The following SIDT1 variants were observed in gnomAD, a reference collection of about 807,000 sequenced individuals.
The protein encoded by SIDT1 is SID1 transmembrane family, member 1.
SIDT1 carries 101 observed loss-of-function variants against 107.5 expected under a neutral mutation model. That is an observed-to-expected ratio of 0.94 (90% confidence interval 0.80 to 1.11). SIDT1 has a LOEUF of 1.11. Ranked by LOEUF, SIDT1 falls within the 50% of genes least tolerant of loss-of-function variation. SIDT1 has a pLI of 0.00. For synonymous variants in SIDT1, 395 were observed against 398.2 expected (o/e 0.99, Z 0.10); for missense variants, 1,076 against 1,058.2 (o/e 1.02, Z -0.23).
chr3:113,623,840 G>GT (rs1946654123), intron 23 of SIDT1, 107 bp downstream of exon 23: 2 of 728,044 alleles, frequency 2.7e-6, no homozygotes, highest in African/African-American at 3.5e-5. Context: ...TAAAATGAAA[G>GT]TTTTCTCTAC....
downstream of SIDT1, among the ~76,000 whole-genome samples, chr3:113,632,406 T>C (rs2107895982): frequency 6.6e-6 from 1 of 152,344 alleles, no homozygotes; most frequent in African/African-American, 2.4e-5. Context: ...TTTTATGATT[T>C]GCATTAAATT....
chr3:113,568,734 C>T (rs1296249483), intron 3 of SIDT1, among the ~76,000 whole-genome samples: 1 of 152,144 alleles, frequency 6.6e-6, no homozygotes, highest in Non-Finnish European at 1.5e-5. Context: ...ATACCCAACT[C>T]CTAGATATCT....
At chr3:113,559,026 T>C (rs947232892) in intron 1 of SIDT1, among the ~76,000 whole-genome samples, 1 of 152,262 alleles carries the variant, frequency 6.6e-6, no homozygotes, top group Non-Finnish European at 1.5e-5. Context: ...TCATTTACTT[T>C]TAACCACTGT....
intron 1 of SIDT1, among the ~76,000 whole-genome samples, chr3:113,533,598 A>G (rs1035591756): frequency 6.6e-6 from 1 of 152,100 alleles, no homozygotes; most frequent in Admixed American, 6.6e-5. Context: ...GAAGAACCGC[A>G]CCTCGGTTCC....
Position 113,627,795 on chromosome 3 carries a change from C to T in SIDT1, c.*87C>T. ...AGTGACCACAGCAAAGTAACCACTGCCAGATGCTCCACTCACCCTCTGTAG... is the reference window on the plus strand; with the variant it reads ...AGTGACCACAGCAAAGTAACCACTGTCAGATGCTCCACTCACCCTCTGTAG... On this transcript the variant is annotated 3_prime_UTR_variant, in exon 25 of 25. Coordinates refer to ENST00000264852, the MANE Select transcript of SIDT1 (RefSeq NM_017699.3). 1.2e-5 allele frequency: 14 copies of T among 1,215,634 alleles called. No homozygotes were observed. In the South Asian group the frequency reaches 1.7e-4, roughly 15 times the overall value. 75.3% of individuals were successfully genotyped at this position (1,215,634 alleles called of 1,614,324 possible).
chr3:113,567,146 T>C (rs1176985591), intron 2 of SIDT1, among the ~76,000 whole-genome samples: 3 of 152,222 alleles, frequency 2.0e-5, no homozygotes, highest in Admixed American at 2.0e-4. Context: ...TAGCTTTGAC[T>C]TGGACTCAGG....
intron 1 of SIDT1, among the ~76,000 whole-genome samples, chr3:113,553,333 G>A (rs927361858): frequency 5.9e-5 from 9 of 151,996 alleles, no homozygotes; most frequent in Non-Finnish European, 1.3e-4. Context: ...GCTCCAGTCT[G>A]GCAATAAATT....
chr3:113,607,411 T>C (rs1386166582), intron 15 of SIDT1, among the ~76,000 whole-genome samples: 1 of 152,204 alleles, frequency 6.6e-6, no homozygotes, highest in Non-Finnish European at 1.5e-5. Context: ...CAACCTATTG[T>C]CTCATTCGAT....
rs776522291 is a variant in SIDT1 at position 113,566,484 on chromosome 3, T to A, written c.287T>A (p.Val96Glu). Residue 96 changes from valine (V) to glutamate (E), a missense_variant, in exon 2 of 25, where the codon GTG becomes GAG. Physicochemically the swap from Val to Glu is moderately radical, Grantham distance 121. Coordinates refer to ENST00000264852, the MANE Select transcript of SIDT1 (RefSeq NM_017699.3). The part of the protein sequence containing the change: ...SENLNYPVLV[V>E]VRQQKEVLSW... Reference sequence around the variant, plus strand: ...AATCTCAACTACCCGGTCCTTGTTGTGGTTCGCCAGCAGAAAGAGGTGCTG... The same window carrying A: ...AATCTCAACTACCCGGTCCTTGTTGAGGTTCGCCAGCAGAAAGAGGTGCTG... 6.2e-7 allele frequency: 1 copy of A among 1,614,182 alleles called. No homozygotes were observed. Among genetic ancestry groups the A allele is most frequent in the Non-Finnish European group, 8.5e-7 (1 of 1,180,018 alleles).
rs1461505322 is a variant in SIDT1 at position 113,628,155 on chromosome 3, C to T, written c.*447C>T. The stretch of plus-strand genomic sequence containing the variant: ...TGTGTTGGCCCCCTTCACACCTCTG[C>T]AACACCTGCTGCTCCAGCAAGAGGA... On this transcript the variant is annotated 3_prime_UTR_variant, in exon 25 of 25. Coordinates refer to ENST00000264852, the MANE Select transcript of SIDT1 (RefSeq NM_017699.3). The T allele has an allele frequency of 5.0e-5, 8 of 161,436 alleles. No homozygotes were observed. Among genetic ancestry groups the T allele is most frequent in the East Asian group, 3.7e-4 (2 of 5,468 alleles). The allele number at this position is 161,436 out of a possible 1,614,324, so 10.0% of individuals were successfully genotyped here.
At chr3:113,559,940 T>C (rs1941271295) in intron 1 of SIDT1, among the ~76,000 whole-genome samples, 1 of 152,162 alleles carries the variant, frequency 6.6e-6, no homozygotes, top group African/African-American at 2.4e-5. Context: ...AGTAGAATAA[T>C]AGATGATCCA....
intron 18 of SIDT1, among the ~76,000 whole-genome samples, chr3:113,611,796 C>T (rs946823746): frequency 1.3e-5 from 2 of 152,158 alleles, no homozygotes; most frequent in Non-Finnish European, 2.9e-5. Flanking sequence ...CACGTGTTGC[C>T]TGTTTTGGTT....
At chr3:113,633,524 A>G (rs1033208949), downstream of SIDT1, among the ~76,000 whole-genome samples, 1 of 152,234 alleles carries the variant, frequency 6.6e-6, no homozygotes, top group African/African-American at 2.4e-5. Flanking sequence ...GGGAACAGGT[A>G]TGATTTTAGC....
At chr3:113,591,451 T>C (rs1944144032) in intron 9 of SIDT1, among the ~76,000 whole-genome samples, 2 of 151,160 alleles carry the variant, frequency 1.3e-5, no homozygotes, top group South Asian at 4.2e-4. Context: ...AAAATTCATA[T>C]GAAAATGAAA....
At chr3:113,577,458 A>G (rs572174192) in intron 4 of SIDT1, among the ~76,000 whole-genome samples, 19 of 152,358 alleles carry the variant, frequency 1.2e-4, no homozygotes, top group African/African-American at 4.6e-4. Flanking sequence ...TTATAAGTGT[A>G]GTAAATTAGT....
Position 113,541,311 on chromosome 3 carries a change from A to G in SIDT1, c.222+8068A>G, listed in dbSNP as rs1467823541. On this transcript the variant is annotated intron_variant, in intron 1 of 24. Coordinates refer to ENST00000264852, the MANE Select transcript of SIDT1 (RefSeq NM_017699.3). The stretch of plus-strand genomic sequence containing the variant: ...CAGCCTCATGAGTAGCTGGGATTAC[A>G]GGCACCTGCCACCACACCCAGCTAG... Among the ~76,000 whole-genome samples the G allele has an allele frequency of 2.0e-5, 3 of 152,224 alleles. No homozygotes were observed. In the South Asian group the frequency reaches 6.2e-4, roughly 32 times the overall value.
At chr3:113,570,045 A>G (rs949296346) in intron 3 of SIDT1, among the ~76,000 whole-genome samples, 8 of 152,140 alleles carry the variant, frequency 5.3e-5, no homozygotes, top group Admixed American at 3.9e-4. Flanking sequence ...AGCTGGGATT[A>G]CAGGTGTGTG....
chr3:113,562,107 C>T (rs945892856), intron 1 of SIDT1, among the ~76,000 whole-genome samples: 3 of 152,068 alleles, frequency 2.0e-5, no homozygotes, highest in African/African-American at 7.2e-5. Flanking sequence ...CCTAGAAGAG[C>T]CAGGCAGGTA....
At chr3:113,594,063 C>G (rs1372718900) in intron 10 of SIDT1, among the ~76,000 whole-genome samples, 21 of 152,224 alleles carry the variant, frequency 1.4e-4, no homozygotes, top group Non-Finnish European at 1.5e-5. Flanking sequence ...TTAAGTCATA[C>G]ATAGCAGATG....
Sources: allele counts gnomAD v4.1 joint callset (sites outside exome capture counted in the v4.1 genomes callset), GRCh38; gene constraint gnomAD v4.1.1; transcripts MANE v1.5; gene names NCBI Gene and HGNC (gene_info 2026-07-23, HGNC 2026-07-21).